CSMD3: variants seen among roughly 807,000 people sequenced by gnomAD.
CSMD3 encodes the protein CUB and Sushi multiple domains 3, also known as CUB and sushi domain-containing protein 3.
CSMD3 carries 177 observed loss-of-function variants against 435.2 expected under a neutral mutation model. The observed-to-expected ratio is 0.41, with a 90% confidence interval of 0.36 to 0.46. CSMD3 has a LOEUF of 0.46. Among genes scored for constraint, CSMD3 ranks in the 20% least tolerant of loss-of-function variants. The pLI, the probability that CSMD3 is intolerant of heterozygous loss-of-function variation, is 0.34. For missense variants in CSMD3, 4,265 were observed against 4,504.6 expected, an observed-to-expected ratio of 0.95 and a Z score of 1.52; for synonymous variants, 1,656 against 1,520.5, an observed-to-expected ratio of 1.09 and a Z score of -2.07.
chr8:112,411,120 ATC>A (rs1265599310), intron 32 of CSMD3, among the ~76,000 whole-genome samples: 1 of 116,040 alleles, frequency 8.6e-6, no homozygotes, highest in African/African-American at 3.0e-5. Context: ...AAAAAAATTC[ATC>A]TTTTTTTTTT....
chr8:112,564,982 C>G (rs549230046), intron 24 of CSMD3, among the ~76,000 whole-genome samples: 1 of 151,996 alleles, frequency 6.6e-6, no homozygotes, highest in African/African-American at 2.4e-5. Flanking sequence ...TGTAAATTAG[C>G]AGGTCCTTAG....
At chr8:112,388,254 A>T (rs6994009) in intron 36 of CSMD3, among the ~76,000 whole-genome samples, 69,650 of 151,806 alleles carry the variant, frequency 0.46, 16,469 homozygotes, top group Middle Eastern at 0.6. Context: ...GTCAAAAGAG[A>T]TAAGGAGATT....
chr8:113,069,445 T>A (rs570544910), intron 5 of CSMD3, among the ~76,000 whole-genome samples: 2 of 152,278 alleles, frequency 1.3e-5, no homozygotes, highest in East Asian at 3.9e-4. Context: ...CTATTTATTT[T>A]AAATTCCATG....
intron 16 of CSMD3, among the ~76,000 whole-genome samples, chr8:112,675,911 T>C (rs558643782): frequency 1.3e-5 from 2 of 152,066 alleles, no homozygotes; most frequent in Non-Finnish European, 2.9e-5. Context: ...GTAAGAAATA[T>C]TTGGGTTTTG....
At chr8:113,238,563 A>G (rs2093176244) in intron 3 of CSMD3, among the ~76,000 whole-genome samples, 1 of 152,162 alleles carries the variant, frequency 6.6e-6, no homozygotes, top group Non-Finnish European at 1.5e-5. Context: ...GCAAAAGCCC[A>G]GTAGCAACCA....
At chr8:113,422,479 T>C (rs1202694932) in intron 1 of CSMD3, among the ~76,000 whole-genome samples, 1 of 152,148 alleles carries the variant, frequency 6.6e-6, no homozygotes, top group Admixed American at 6.6e-5. Flanking sequence ...TCAATCAATA[T>C]GGTATTCCTC....
intron 10 of CSMD3, among the ~76,000 whole-genome samples, chr8:112,889,866 T>C (rs1489143969): frequency 6.6e-6 from 1 of 151,550 alleles, no homozygotes; most frequent in Non-Finnish European, 1.5e-5. Context: ...TAAAGACAGG[T>C]TGTCAGGAGA....
chr8:112,592,607 T>A (rs1255145808), intron 22 of CSMD3, among the ~76,000 whole-genome samples: 1 of 152,126 alleles, frequency 6.6e-6, no homozygotes. Flanking sequence ...ATTGCAGTCA[T>A]AATTGAAACG....
intron 12 of CSMD3, among the ~76,000 whole-genome samples, chr8:112,818,027 T>C (rs544131796): frequency 1.3e-5 from 2 of 151,980 alleles, no homozygotes; most frequent in South Asian, 2.1e-4. Context: ...TATTTTTTTA[T>C]GCTTTGTAAC....
chr8:112,897,616 C>T (rs756345004), intron 10 of CSMD3, among the ~76,000 whole-genome samples: 1 of 150,866 alleles, frequency 6.6e-6, no homozygotes, highest in African/African-American at 2.4e-5. Flanking sequence ...TAAAATGTTA[C>T]TCTTTAGGAA....
chr8:112,493,338 C>A (rs1869289), intron 30 of CSMD3, among the ~76,000 whole-genome samples: 37,337 of 151,754 alleles, frequency 0.25, 5,144 homozygotes, highest in African/African-American at 0.37. Context: ...AGAAGGAGCC[C>A]TTATAAAACG....
chr8:113,071,799 C>T (rs903941217), intron 5 of CSMD3, among the ~76,000 whole-genome samples: 2 of 151,724 alleles, frequency 1.3e-5, no homozygotes, highest in Non-Finnish European at 2.9e-5. Context: ...GAAGTGGAGT[C>T]TTTCAGGGAT....
intron 22 of CSMD3, among the ~76,000 whole-genome samples, chr8:112,633,995 C>T (rs764676410): frequency 6.6e-6 from 1 of 151,964 alleles, no homozygotes; most frequent in Admixed American, 6.6e-5. Context: ...TGAAATACAA[C>T]CTACTTAAAA....
chr8:113,129,708 G>C (rs997981887), intron 4 of CSMD3, among the ~76,000 whole-genome samples: 1 of 152,106 alleles, frequency 6.6e-6, no homozygotes, highest in Admixed American at 6.6e-5. Flanking sequence ...AGGATTCATA[G>C]AGAAGTATAC....
chr8:112,700,119 A>T (rs2076356264), intron 13 of CSMD3, among the ~76,000 whole-genome samples: 1 of 152,182 alleles, frequency 6.6e-6, no homozygotes, highest in Admixed American at 6.6e-5. Context: ...ATATTTGGGA[A>T]TGATGAGCTA....
intron 67 of CSMD3, 123 bp downstream of exon 67, chr8:112,237,067 T>C (rs900373631): frequency 3.6e-6 from 4 of 1,104,408 alleles, no homozygotes; most frequent in African/African-American, 3.1e-5. Flanking sequence ...AATATGAATG[T>C]CATCAAAAGC....
In CSMD3 at chr8:113,051,248, C is replaced by T. The variant is rs1476470285; in HGVS notation, c.918-32069G>A. On this transcript the variant is annotated intron_variant, in intron 5 of 70. Transcript: ENST00000297405. Reference sequence around the variant, plus strand: ...TATTCTAAGAGTTATTTCATTCCACCTACTGCTTCCAGTGAGAACAACACA... The same window carrying T: ...TATTCTAAGAGTTATTTCATTCCACTTACTGCTTCCAGTGAGAACAACACA... Among the ~76,000 whole-genome samples, 3 of 152,052 alleles carry T rather than the reference C, an allele frequency of 2.0e-5. No individual in the cohort carries two copies. In the East Asian group the frequency reaches 5.8e-4, roughly 29 times the overall value.
intron 46 of CSMD3, 72 bp from the exon 47 acceptor site, chr8:112,319,022 G>T (rs1822739464): frequency 1.1e-6 from 1 of 879,960 alleles, no homozygotes; most frequent in Non-Finnish European, 1.9e-6. Context: ...TATTTCAATT[G>T]TAGGAGAATA....
At chr8:112,615,706 A>G (rs969803518) in intron 22 of CSMD3, among the ~76,000 whole-genome samples, 3 of 152,066 alleles carry the variant, frequency 2.0e-5, no homozygotes, top group Non-Finnish European at 2.9e-5. Context: ...CCATACGAAA[A>G]AAGAGTTCTG....
Sources: allele counts gnomAD v4.1 joint callset (sites outside exome capture counted in the v4.1 genomes callset), GRCh38; gene constraint gnomAD v4.1.1; transcripts MANE v1.5; gene names NCBI Gene and HGNC (gene_info 2026-07-23, HGNC 2026-07-21).